NMT1: variants seen among roughly 807,000 people sequenced by gnomAD.
NMT1 encodes N-myristoyltransferase 1.
NMT1 carries 12 observed loss-of-function variants against 63.4 expected under a neutral mutation model. That is an observed-to-expected ratio of 0.19 (90% confidence interval 0.12 to 0.31). The LOEUF is 0.31. Ranked by LOEUF, NMT1 falls within the 10% of genes least tolerant of loss-of-function variation. NMT1 has a pLI of 1.00. For missense variants in NMT1, 432 were observed against 634.6 expected (o/e 0.68, Z 3.43); for synonymous variants, 228 against 234.3 (o/e 0.97, Z 0.25).
intron 1 of NMT1, among the ~76,000 whole-genome samples, chr17:45,077,945 C>T (rs962598024): frequency 3.9e-5 from 6 of 152,148 alleles, no homozygotes; most frequent in Non-Finnish European, 8.8e-5. Context: ...TTTGAATGTT[C>T]TCAGTCTTCC....
chr17:45,105,715 A>G lies in NMT1; in HGVS notation c.*76A>G, dbSNP rs565164528. 3.5e-6 allele frequency: 5 copies of G among 1,431,544 alleles called. No individual in the cohort carries two copies. Among genetic ancestry groups the G allele is most frequent in the East Asian group, 2.3e-5 (1 of 42,852 alleles). The allele number at this position is 1,431,544 out of a possible 1,614,324, so 88.7% of individuals were successfully genotyped here. Reference sequence around the variant, plus strand: ...AATGGAACCCCACCACTGTTGGTCCAATTTTCACACACGTGAGAATCCCTG... The same window carrying G: ...AATGGAACCCCACCACTGTTGGTCCGATTTTCACACACGTGAGAATCCCTG... On this transcript the variant is annotated 3_prime_UTR_variant, in exon 12 of 12. Transcript: ENST00000258960. The surrounding 1 kb of genome is among the most constrained non-coding windows in gnomAD (Gnocchi z 4.2).
In NMT1 at chr17:45,103,109, T is replaced by C; in HGVS notation, c.1152T>C (p.Thr384=). 1 of 1,608,516 alleles carries C rather than the reference T, an allele frequency of 6.2e-7. No homozygotes were observed. Among genetic ancestry groups the C allele is most frequent in the Non-Finnish European group, 8.5e-7 (1 of 1,175,308 alleles). The change falls in exon 9 of 12, where the codon ACT becomes ACC. Residue 384 remains threonine (T), a synonymous_variant. Transcript: ENST00000258960. The surrounding 1 kb of genome is among the most constrained non-coding windows in gnomAD (Gnocchi z 4.8). ...ACCCCCAGGAGAATATCATCGACAC[T>C]TTCGTGGTGGAGGTGAGTCAGGGAG... ...WFYPQENIID[T]FVVENANGEV... is the part of the protein sequence containing the mutation.
rs775137419 is a variant in NMT1 at position 45,103,912 on chromosome 17, A to G, written c.1332+36A>G. The G allele has an allele frequency of 7.4e-6, 12 of 1,610,784 alleles. No homozygotes were observed. The Admixed American group carries it at 1.8e-4, about 25-fold the overall frequency. On this transcript the variant is annotated intron_variant, in intron 10 of 11. Coordinates refer to ENST00000258960, the MANE Select transcript of NMT1 (RefSeq NM_021079.5). This position sits in a 1 kb window ranked among gnomAD's most constrained non-coding sequence, Gnocchi z 4.8. ...GACGGGGGGGTCTCTGGAGATGTGC[A>G]GGGAAGAGGCAGTGGAGCCATGGTG...
At chr17:45,076,316 C>A (rs1478517340) in intron 1 of NMT1, among the ~76,000 whole-genome samples, 1 of 151,922 alleles carries the variant, frequency 6.6e-6, no homozygotes, top group Non-Finnish European at 1.5e-5. Flanking sequence ...CTGGAGTGGG[C>A]TCCTTGGAAG....
chr17:45,101,678 C>T (rs116776409), intron 8 of NMT1, among the ~76,000 whole-genome samples: 3 of 149,842 alleles, frequency 2.0e-5, no homozygotes, highest in Non-Finnish European at 4.4e-5. Flanking sequence ...CCTCGGAGTG[C>T]TTCTTCCTAT....
In NMT1 at chr17:45,061,478, G is replaced by C; in HGVS notation, c.131+18G>C. The stretch of plus-strand genomic sequence containing the variant: ...AACCGGGGGTAACGAAATCCTCGGA[G>C]TCCAATTCCCGTCCAGCCTCCCACA... On this transcript the variant is annotated intron_variant, in intron 1 of 11. Coordinates refer to ENST00000258960, the MANE Select transcript of NMT1 (RefSeq NM_021079.5). 1 of 1,608,838 alleles carries C rather than the reference G, an allele frequency of 6.2e-7. No individual in the cohort carries two copies.
At chr17:45,100,196 C>G (rs965025294) in intron 8 of NMT1, among the ~76,000 whole-genome samples, 2 of 152,134 alleles carry the variant, frequency 1.3e-5, no homozygotes, top group African/African-American at 4.8e-5. Flanking sequence ...TCAACTGATT[C>G]TCCCACCTCA....
chr17:45,066,899 C>A (rs1180417829), intron 1 of NMT1, among the ~76,000 whole-genome samples: 1 of 151,902 alleles, frequency 6.6e-6, no homozygotes, highest in Non-Finnish European at 1.5e-5. Flanking sequence ...TAAAAAGTTT[C>A]TGTAGAGATG....
intron 3 of NMT1, among the ~76,000 whole-genome samples, chr17:45,092,907 C>T (rs555201331): frequency 6.6e-6 from 1 of 152,086 alleles, no homozygotes; most frequent in Non-Finnish European, 1.5e-5. Flanking sequence ...CATGAGTGAG[C>T]CCATTGTAGA....
At chr17:45,093,186 G>C (rs961150122) in intron 3 of NMT1, among the ~76,000 whole-genome samples, 1 of 152,214 alleles carries the variant, frequency 6.6e-6, no homozygotes, top group Admixed American at 6.5e-5. Flanking sequence ...ACTGGCTCAC[G>C]CTGCTGAAAG....
intron 2 of NMT1, among the ~76,000 whole-genome samples, chr17:45,083,985 C>T (rs2027995): frequency 0.73 from 111,093 of 152,076 alleles, 41,566 homozygotes; most frequent in African/African-American, 0.9. Context: ...TATGAACATA[C>T]TGGTTTATAT....
chr17:45,093,885 T>A, intron 4 of NMT1, 82 bp downstream of exon 4: 1 of 1,147,648 alleles, frequency 8.7e-7, no homozygotes, highest in Non-Finnish European at 1.3e-6. Flanking sequence ...AGACTACGTT[T>A]ACTCGAGCCC....
At chr17:45,078,612 A>T (rs75286509) in intron 1 of NMT1, among the ~76,000 whole-genome samples, 16,570 of 151,996 alleles carry the variant, frequency 0.11, 1,003 homozygotes, top group Middle Eastern at 0.18. Flanking sequence ...TTAATGGAAA[A>T]TTGTATTTTA....
At position 45,105,779 on chromosome 17, in the gene NMT1, C is replaced by A; in HGVS notation, c.*140C>A. 1 of 784,436 alleles carries A rather than the reference C, an allele frequency of 1.3e-6. No individual in the cohort carries two copies. The highest frequency in any genetic ancestry group is 2.0e-6 in the Non-Finnish European group (1 of 495,134). 48.6% of individuals were successfully genotyped at this position (784,436 alleles called of 1,614,324 possible). On this transcript the variant is annotated 3_prime_UTR_variant, in exon 12 of 12. Coordinates refer to ENST00000258960, the MANE Select transcript of NMT1 (RefSeq NM_021079.5). The surrounding 1 kb of genome is among the most constrained non-coding windows in gnomAD (Gnocchi z 4.2). ...AACTGAACCGGCTTTACCAAACCGC[C>A]AGCGAACTTGACAATTGTATTGCGA...
At position 45,097,248 on chromosome 17, in the gene NMT1, A is replaced by G; in HGVS notation, c.713+4A>G. On this transcript the variant is annotated splice_donor_region_variant and intron_variant, in intron 6 of 11. Coordinates refer to ENST00000258960, the MANE Select transcript of NMT1 (RefSeq NM_021079.5). ...CAAACATCCATATCTATGACACGTAAGCACCTGCACCTACCCCCACCCCCC... is the reference window on the plus strand; with the variant it reads ...CAAACATCCATATCTATGACACGTAGGCACCTGCACCTACCCCCACCCCCC... The G allele has an allele frequency of 6.2e-7, 1 of 1,602,234 alleles. No individual in the cohort carries two copies. The highest frequency in any genetic ancestry group is 8.6e-7 in the Non-Finnish European group (1 of 1,169,212).
chr17:45,106,662 C>T lies in NMT1; in HGVS notation c.*1023C>T, dbSNP rs2054204402. 6.5e-6 allele frequency: 1 copy of T among 152,780 alleles called. No homozygotes were observed. The highest frequency in any genetic ancestry group is 2.4e-5 in the African/African-American group (1 of 41,464). 9.5% of individuals were successfully genotyped at this position (152,780 alleles called of 1,614,324 possible). On this transcript the variant is annotated 3_prime_UTR_variant, in exon 12 of 12. Coordinates refer to ENST00000258960, the MANE Select transcript of NMT1 (RefSeq NM_021079.5). ...TGGCTAGGCAGGAGTGGCGTGGGGC[C>T]AATACCCAGACCCCTTCAGCCACCA... is the stretch of plus-strand genomic sequence containing the variant.
At chr17:45,097,860 TG>T (rs1457517692) in intron 6 of NMT1, among the ~76,000 whole-genome samples, 2 of 152,200 alleles carry the variant, frequency 1.3e-5, no homozygotes, top group African/African-American at 2.4e-5. Context: ...TGGAAGCACT[TG>T]AACAGCAGCA....
At chr17:45,090,818 A>T (rs2143499139) in intron 3 of NMT1, among the ~76,000 whole-genome samples, 1 of 152,188 alleles carries the variant, frequency 6.6e-6, no homozygotes, top group East Asian at 1.9e-4. Flanking sequence ...TTATTGGTTC[A>T]TGTTGGCCTT....
At chr17:45,063,302 C>T (rs1228491106) in intron 1 of NMT1, among the ~76,000 whole-genome samples, 1 of 150,884 alleles carries the variant, frequency 6.6e-6, no homozygotes, top group African/African-American at 2.4e-5. Context: ...TGCTGTAACT[C>T]ACAACAGATC....
Sources: gnomAD v4.1 joint callset for allele counts (sites outside exome capture counted in the v4.1 genomes callset) on GRCh38, gnomAD v4.1.1 for gene constraint, Gnocchi (gnomAD v3.1) non-coding constraint, MANE v1.5 for transcripts, NCBI Gene and HGNC (gene_info 2026-07-23, HGNC 2026-07-21) for gene names.